Variants in RCAN2 observed in about 807,000 individuals in gnomAD.
RCAN2 encodes regulator of calcineurin 2.
A neutral mutation model predicts 23.6 loss-of-function variants in RCAN2; 9 were observed. That is an observed-to-expected ratio of 0.38 (90% CI 0.23 to 0.67). The LOEUF (loss-of-function observed/expected upper bound fraction) is 0.67, where lower values mean the gene tolerates loss of function less well. RCAN2 is among the 30% of genes least tolerant of loss of function. The pLI, the probability that RCAN2 is intolerant of heterozygous loss-of-function variation, is 0.51. For synonymous variants in RCAN2, 109 were observed against 115.7 expected (o/e 0.94, Z 0.37); for missense variants, 273 against 302.3 (o/e 0.90, Z 0.72).
intron 2 of RCAN2, among the ~76,000 whole-genome samples, chr6:46,331,247 G>A (rs185568665): frequency 4.0e-5 from 6 of 151,682 alleles, no homozygotes; most frequent in African/African-American, 9.7e-5. Context: ...CTGGCCTCAA[G>A]TGATCCTCCT....
At chr6:46,294,399 G>A (rs1254864008) in intron 2 of RCAN2, among the ~76,000 whole-genome samples, 4 of 152,034 alleles carry the variant, frequency 2.6e-5, no homozygotes, top group Non-Finnish European at 5.9e-5. Flanking sequence ...AAAGCAATTG[G>A]TAAAGTATAT....
At chr6:46,271,350 C>A (rs552515191) in intron 2 of RCAN2, among the ~76,000 whole-genome samples, 87 of 152,260 alleles carry the variant, frequency 5.7e-4, no homozygotes, top group African/African-American at 1.9e-3. Context: ...AGTCTTTGTT[C>A]TATTAAGGCC....
chr6:46,325,027 G>A (rs1474320756), intron 2 of RCAN2, among the ~76,000 whole-genome samples: 1 of 152,214 alleles, frequency 6.6e-6, no homozygotes, highest in African/African-American at 2.4e-5. Context: ...TTTATTATGT[G>A]TGCTTTCTTC....
chr6:46,335,725 A>G (rs967984352), intron 2 of RCAN2, among the ~76,000 whole-genome samples: 3 of 152,166 alleles, frequency 2.0e-5, no homozygotes, highest in African/African-American at 7.2e-5. Context: ...TTCAGGATAT[A>G]GTGCTATCTA....
At chr6:46,385,352 A>G (rs2150395380) in intron 2 of RCAN2, among the ~76,000 whole-genome samples, 1 of 152,320 alleles carries the variant, frequency 6.6e-6, no homozygotes, top group East Asian at 1.9e-4. Flanking sequence ...CCAAATTTGC[A>G]TCTTTTCTAT....
rs562361312 is a variant in RCAN2 at position 46,455,431 on chromosome 6, G to A, written c.225+1321C>T. ...ATTGTCTACAAAATCAATCATATCC[G>A]TAAATCAGACTTCCAGTAATTATGC... is the stretch of plus-strand genomic sequence containing the variant. On this transcript the variant is annotated intron_variant, in intron 2 of 4. Coordinates refer to ENST00000371374, the MANE Select transcript of RCAN2 (RefSeq NM_001251974.2). Among the ~76,000 whole-genome samples the A allele has an allele frequency of 2.7e-4, 41 of 152,164 alleles. No homozygotes were observed. In the South Asian group the frequency reaches 7.5e-3, roughly 28 times the overall value.
At chr6:46,309,868 A>C (rs1763197879) in intron 2 of RCAN2, among the ~76,000 whole-genome samples, 1 of 152,202 alleles carries the variant, frequency 6.6e-6, no homozygotes, top group South Asian at 2.1e-4. Flanking sequence ...GTACAGGCCA[A>C]ATAAAATGCA....
At chr6:46,256,144 A>C (rs1209039576) in intron 2 of RCAN2, among the ~76,000 whole-genome samples, 2 of 151,992 alleles carry the variant, frequency 1.3e-5, no homozygotes, top group Non-Finnish European at 2.9e-5. Context: ...CCGAGGCAGG[A>C]GGATCGCCTG....
Position 46,395,840 on chromosome 6 carries a change from C to T in RCAN2, c.225+60912G>A, listed in dbSNP as rs78645008. Among the ~76,000 whole-genome samples the T allele has an allele frequency of 1.2e-4, 18 of 152,242 alleles. No individual in the cohort carries two copies. The East Asian group carries it at 2.9e-3, about 25-fold the overall frequency. On this transcript the variant is annotated intron_variant, in intron 2 of 4. Coordinates refer to ENST00000371374, the MANE Select transcript of RCAN2 (RefSeq NM_001251974.2). ...ACCAACATATGAGACCTGGCCACTA[C>T]GTACCTCAAAGCTGATTCTCTCCAA...
chr6:46,260,040 T>A (rs919416454), intron 2 of RCAN2, among the ~76,000 whole-genome samples: 1 of 152,132 alleles, frequency 6.6e-6, no homozygotes, highest in South Asian at 2.1e-4. Context: ...TATGAAGGCG[T>A]CCTTACACAG....
At chr6:46,344,589 T>C (rs1764427719) in intron 2 of RCAN2, among the ~76,000 whole-genome samples, 1 of 152,136 alleles carries the variant, frequency 6.6e-6, no homozygotes, top group Admixed American at 6.5e-5. Flanking sequence ...AATGGAATTA[T>C]ACTGTTGTGA....
intron 1 of RCAN2, among the ~76,000 whole-genome samples, chr6:46,480,520 C>G (rs1369380184): frequency 6.6e-6 from 1 of 152,212 alleles, no homozygotes; most frequent in Non-Finnish European, 1.5e-5. Flanking sequence ...TCAGTCATAT[C>G]TGGTGCTTTG....
intron 2 of RCAN2, among the ~76,000 whole-genome samples, chr6:46,416,209 A>C (rs1746526821): frequency 6.6e-6 from 1 of 151,920 alleles, no homozygotes; most frequent in South Asian, 2.1e-4. Flanking sequence ...CGATTAAGTA[A>C]GATTTTGTAA....
At chr6:46,423,558 T>C (rs537873888) in intron 2 of RCAN2, among the ~76,000 whole-genome samples, 1 of 152,342 alleles carries the variant, frequency 6.6e-6, no homozygotes, top group African/African-American at 2.4e-5. Context: ...CTCTCTGAAG[T>C]CAATACTCAG....
At chr6:46,287,537 G>T (rs912437053) in intron 2 of RCAN2, among the ~76,000 whole-genome samples, 1 of 152,194 alleles carries the variant, frequency 6.6e-6, no homozygotes, top group East Asian at 1.9e-4. Flanking sequence ...GAATTTCTCT[G>T]TCCTGTGATA....
chr6:46,350,654 A>T (rs1032397426), intron 2 of RCAN2, among the ~76,000 whole-genome samples: 6 of 152,230 alleles, frequency 3.9e-5, no homozygotes, highest in Non-Finnish European at 8.8e-5. Flanking sequence ...TGCAAAGGAT[A>T]TACAGGAGTC....
At chr6:46,301,024 A>T (rs1762889587) in intron 2 of RCAN2, among the ~76,000 whole-genome samples, 1 of 152,028 alleles carries the variant, frequency 6.6e-6, no homozygotes, top group Admixed American at 6.6e-5. Flanking sequence ...CAACAAAAAA[A>T]TCAGCGTGGG....
At chr6:46,310,709 T>A (rs1051501397) in intron 2 of RCAN2, among the ~76,000 whole-genome samples, 6 of 152,326 alleles carry the variant, frequency 3.9e-5, no homozygotes, top group South Asian at 4.1e-4. Context: ...ACTGATATCA[T>A]CAAAATTAGT....
At chr6:46,415,166 G>T (rs1456281862) in intron 2 of RCAN2, among the ~76,000 whole-genome samples, 1 of 152,184 alleles carries the variant, frequency 6.6e-6, no homozygotes, top group African/African-American at 2.4e-5. Context: ...AACTGCGGAG[G>T]ATAGAGTCAG....
Sources: allele counts gnomAD v4.1 joint callset (sites outside exome capture counted in the v4.1 genomes callset), GRCh38; gene constraint gnomAD v4.1.1; transcripts MANE v1.5; gene names NCBI Gene and HGNC (gene_info 2026-07-23, HGNC 2026-07-21).